RBFOX3: variants seen among roughly 807,000 people sequenced by gnomAD.
The protein encoded by RBFOX3 is RNA binding fox-1 homolog 3, also known as RNA binding protein fox-1 homolog 3.
Under a neutral mutation model 48.7 loss-of-function variants are expected in RBFOX3, and 17 were observed. The observed-to-expected ratio is 0.35, with a 90% CI of 0.24 to 0.52. The LOEUF (loss-of-function observed/expected upper bound fraction) is 0.52, where lower values mean the gene tolerates loss of function less well. Ranked by LOEUF, RBFOX3 falls within the 20% of genes least tolerant of loss-of-function variation. The pLI is 0.94. For synonymous variants in RBFOX3, 212 were observed against 209.5 expected (o/e 1.01, Z -0.10); for missense variants, 382 against 497.5 (o/e 0.77, Z 2.21).
chr17:79,511,550 G>A (rs1219506437), intron 1 of RBFOX3, among the ~76,000 whole-genome samples: 5 of 152,162 alleles, frequency 3.3e-5, no homozygotes, highest in African/African-American at 4.8e-5. Context: ...AGCAGGAAGG[G>A]CTTAATAGAG....
intron 2 of RBFOX3, among the ~76,000 whole-genome samples, chr17:79,407,112 A>G (rs983565163): frequency 6.6e-6 from 1 of 152,136 alleles, no homozygotes; most frequent in Non-Finnish European, 1.5e-5. Context: ...GGTTCAAGCA[A>G]CTCTCCTACC....
intron 1 of RBFOX3, chr17:79,598,316 A>ACGTG (rs2093617714): frequency 6.6e-6 from 1 of 152,600 alleles, no homozygotes; most frequent in Non-Finnish European, 1.5e-5. Context: ...ACACGTGCAC[A>ACGTG]CATGCACACA....
intron 3 of RBFOX3, among the ~76,000 whole-genome samples, chr17:79,277,656 G>A (rs1478021047): frequency 1.3e-5 from 2 of 152,182 alleles, no homozygotes; most frequent in African/African-American, 4.8e-5. Flanking sequence ...GTGGCGTGCT[G>A]GGCCTTGAAA....
chr17:79,550,431 A>G lies in RBFOX3; in HGVS notation c.-320+60395T>C, dbSNP rs917174551. Among the ~76,000 whole-genome samples, 14 of 135,456 alleles carry G rather than the reference A, an allele frequency of 1.0e-4. No homozygotes were observed. In the South Asian group the frequency reaches 3.5e-3, roughly 34 times the overall value. 88.9% of individuals were successfully genotyped at this position (135,456 alleles called of 152,430 possible). A position where few individuals can be genotyped will look rare whatever the true frequency, so the allele number is the denominator to read the frequency against. On this transcript the variant is annotated intron_variant, in intron 1 of 14. Transcript: ENST00000693108. Reference sequence around the variant, plus strand: ...GGAGAAAGTCCAGATGCAGGTCCACAAGCTCATGGTAAGGAAGTACATCAC... The same window carrying G: ...GGAGAAAGTCCAGATGCAGGTCCACGAGCTCATGGTAAGGAAGTACATCAC...
chr17:79,636,617 T>A, the RBFOX3 span, among the ~76,000 whole-genome samples: 1 of 152,102 alleles, frequency 6.6e-6, no homozygotes, highest in Non-Finnish European at 1.5e-5. Flanking sequence ...ATTATAACTA[T>A]AAGATGTTTT....
intron 2 of RBFOX3, among the ~76,000 whole-genome samples, chr17:79,431,472 C>G (rs1033381582): frequency 1.2e-4 from 18 of 148,552 alleles, no homozygotes; most frequent in Non-Finnish European, 1.9e-4. Flanking sequence ...CCCCACCCCC[C>G]ACCATGCCTG....
intron 1 of RBFOX3, among the ~76,000 whole-genome samples, chr17:79,554,699 T>A (rs1312344807): frequency 6.6e-6 from 1 of 152,256 alleles, no homozygotes; most frequent in Non-Finnish European, 1.5e-5. Context: ...TATACATTTG[T>A]GGGAAAAATT....
rs957568468 is a variant in RBFOX3 at position 79,514,467 on chromosome 17, G to A, written c.-319-31869C>T. On this transcript the variant is annotated intron_variant, in intron 1 of 14. Transcript: ENST00000693108. Reference sequence around the variant, plus strand: ...CATTCACAGATGAGGTCACGGGTGCGTGGCCTCACACACCCAGGTGGCCTG... The same window carrying A: ...CATTCACAGATGAGGTCACGGGTGCATGGCCTCACACACCCAGGTGGCCTG... 8.8e-3 allele frequency among the ~76,000 whole-genome samples: 1,334 copies of A among 152,348 alleles called. 13 individuals are homozygous for A. The highest frequency in any genetic ancestry group is 0.021 in the South Asian group (101 of 4,826).
chr17:79,660,449 C>T, the RBFOX3 span, among the ~76,000 whole-genome samples: 1 of 151,966 alleles, frequency 6.6e-6, no homozygotes, highest in Non-Finnish European at 1.5e-5. Context: ...AACACATTTA[C>T]AAGAAAAAAT....
intron 3 of RBFOX3, among the ~76,000 whole-genome samples, chr17:79,259,714 G>A (rs545795756): frequency 2.0e-5 from 3 of 152,224 alleles, no homozygotes; most frequent in Admixed American, 2.0e-4. Context: ...TGCGTTCCCC[G>A]GGAGCCAGGA....
chr17:79,216,446 G>T (rs1417779281), intron 4 of RBFOX3, among the ~76,000 whole-genome samples: 1 of 152,144 alleles, frequency 6.6e-6, no homozygotes, highest in Admixed American at 6.5e-5. Context: ...GGGCAGGCAG[G>T]AAGGAGGGGT....
At chr17:79,366,613 C>T (rs996075294) in intron 2 of RBFOX3, among the ~76,000 whole-genome samples, 3 of 152,188 alleles carry the variant, frequency 2.0e-5, no homozygotes, top group Admixed American at 1.3e-4. Flanking sequence ...CTTATTGACC[C>T]TTCCATCGTG....
intron 4 of RBFOX3, among the ~76,000 whole-genome samples, chr17:79,182,104 T>TTGGGG (rs1478814479): frequency 2.0e-5 from 3 of 152,096 alleles, no homozygotes; most frequent in Non-Finnish European, 1.5e-5. Context: ...GCCAAGTTCC[T>TTGGGG]TGGGGTGGGC....
chr17:79,355,016 C>T (rs566598859), intron 2 of RBFOX3, among the ~76,000 whole-genome samples: 11 of 152,164 alleles, frequency 7.2e-5, no homozygotes, highest in Admixed American at 2.6e-4. Flanking sequence ...AATAGTCCGC[C>T]CCTCTAATGG....
At chr17:79,520,309 C>T (rs1449398390) in intron 1 of RBFOX3, among the ~76,000 whole-genome samples, 2 of 152,188 alleles carry the variant, frequency 1.3e-5, no homozygotes, top group Non-Finnish European at 2.9e-5. Context: ...CCCCGTCAGC[C>T]GGAGACTGGG....
the RBFOX3 span, among the ~76,000 whole-genome samples, chr17:79,620,220 GACATGCACACACGC>G: frequency 3.3e-4 from 34 of 104,250 alleles, no homozygotes; most frequent in Admixed American, 7.0e-4. Context: ...CACACACAGG[GACATGCACACACGC>G]ACATGCACAC....
intron 14 of RBFOX3, chr17:79,092,619 T>C: frequency 1.0e-6 from 1 of 987,120 alleles, no homozygotes; most frequent in Non-Finnish European, 1.2e-6. Flanking sequence ...GAAGCGGCTG[T>C]ACCCTCCTCG....
rs2058750416 is a variant in RBFOX3 at position 79,214,425 on chromosome 17, T to C, written c.-34+21341A>G. 2.0e-5 allele frequency among the ~76,000 whole-genome samples: 3 copies of C among 152,074 alleles called. No individual in the cohort carries two copies. The highest frequency in any genetic ancestry group is 1.3e-4 in the Admixed American group (2 of 15,274). On this transcript the variant is annotated intron_variant, in intron 4 of 14. Coordinates refer to ENST00000693108, the MANE Select transcript of RBFOX3 (RefSeq NM_001350451.2). This position sits in a 1 kb window ranked among gnomAD's most constrained non-coding sequence, Gnocchi z 4.7. ...CAACCAGGGAGGGTGGGGGCTCTCT[T>C]CTTGAGAAAAGTGATGCAAAGCCCT...
rs1000017532 is a variant in RBFOX3 at position 79,210,111 on chromosome 17, A to G, written c.-34+25655T>C. 2.0e-5 allele frequency among the ~76,000 whole-genome samples: 3 copies of G among 152,162 alleles called. No homozygotes were observed. In the East Asian group the frequency reaches 5.8e-4, roughly 29 times the overall value. On this transcript the variant is annotated intron_variant, in intron 4 of 14. Transcript: ENST00000693108. The stretch of plus-strand genomic sequence containing the variant: ...CACAGGCTCAGCTTCTGCCCTGGCT[A>G]GATAACCTCTGGAGCCCGAGGGAAG...
Sources: gnomAD v4.1 joint callset for allele counts (sites outside exome capture counted in the v4.1 genomes callset) on GRCh38, gnomAD v4.1.1 for gene constraint, Gnocchi (gnomAD v3.1) non-coding constraint, MANE v1.5 for transcripts, NCBI Gene and HGNC (gene_info 2026-07-23, HGNC 2026-07-21) for gene names.